Variants in PARD3 observed in about 807,000 individuals in gnomAD.
PARD3 encodes par-3 family cell polarity regulator.
Under a neutral mutation model 155.4 loss-of-function variants are expected in PARD3, and 75 were observed. The ratio of observed to expected loss-of-function variants is 0.48; its 90% confidence interval spans 0.40 to 0.58. The LOEUF is 0.58. Among genes scored for constraint, PARD3 ranks in the 20% least tolerant of loss-of-function variants. The pLI is 0.00. For synonymous variants in PARD3, 576 were observed against 610.5 expected (o/e 0.94, Z 0.83); for missense variants, 1,642 against 1,721.7 (o/e 0.95, Z 0.82).
At chr10:34,529,358 G>A (rs1287517783) in intron 2 of PARD3, among the ~76,000 whole-genome samples, 1 of 152,164 alleles carries the variant, frequency 6.6e-6, no homozygotes, top group African/African-American at 2.4e-5. Flanking sequence ...CAAGGAAACA[G>A]GGTTTCACAA....
At chr10:34,445,091 TC>T (rs2076669456) in intron 5 of PARD3, among the ~76,000 whole-genome samples, 2 of 152,046 alleles carry the variant, frequency 1.3e-5, no homozygotes, top group African/African-American at 4.8e-5. Context: ...AAATATTTTT[TC>T]ATGTACATGA....
chr10:34,212,547 T>A (rs1299428337), intron 22 of PARD3, among the ~76,000 whole-genome samples: 1 of 152,024 alleles, frequency 6.6e-6, no homozygotes, highest in Non-Finnish European at 1.5e-5. Flanking sequence ...GGGAAATAAC[T>A]CCCAATGTGT....
At chr10:34,780,673 C>T (rs1588713607) in intron 1 of PARD3, among the ~76,000 whole-genome samples, 1 of 152,176 alleles carries the variant, frequency 6.6e-6, no homozygotes, top group African/African-American at 2.4e-5. Flanking sequence ...CAACAGTACG[C>T]CCTTTCTTTT....
chr10:34,249,816 C>T (rs1297509806), intron 22 of PARD3, among the ~76,000 whole-genome samples: 1 of 152,198 alleles, frequency 6.6e-6, no homozygotes, highest in Non-Finnish European at 1.5e-5. Flanking sequence ...GAGCCATACT[C>T]CCTAGGTGGC....
At chr10:34,587,673 C>G (rs184724473) in intron 2 of PARD3, among the ~76,000 whole-genome samples, 1,561 of 152,266 alleles carry the variant, frequency 0.01, 35 homozygotes, top group African/African-American at 0.036. Flanking sequence ...AAGATATCTA[C>G]AGTCTCAGGA....
At chr10:34,349,579 G>GT (rs1837789817) in intron 14 of PARD3, among the ~76,000 whole-genome samples, 2 of 11,354 alleles carry the variant, frequency 1.8e-4, no homozygotes, top group Non-Finnish European at 3.0e-4. Context: ...CTCTGGGAAA[G>GT]TAAAAAAAAA....
At chr10:34,193,888 C>A (rs2133282650) in intron 22 of PARD3, among the ~76,000 whole-genome samples, 1 of 152,290 alleles carries the variant, frequency 6.6e-6, no homozygotes, top group East Asian at 1.9e-4. Flanking sequence ...GAATTTTCTA[C>A]TAACATCACA....
intron 15 of PARD3, among the ~76,000 whole-genome samples, chr10:34,346,986 T>A (rs905095702): frequency 3.3e-5 from 5 of 152,234 alleles, no homozygotes; most frequent in African/African-American, 1.2e-4. Flanking sequence ...AGCAACAGTA[T>A]ATACACAATG....
At chr10:34,669,112 T>C (rs1476784624) in intron 2 of PARD3, among the ~76,000 whole-genome samples, 2 of 152,128 alleles carry the variant, frequency 1.3e-5, no homozygotes, top group African/African-American at 4.8e-5. Context: ...CTACTAGGTA[T>C]CTACCCAAAG....
chr10:34,782,787 C>T (rs1054874185), intron 1 of PARD3, among the ~76,000 whole-genome samples: 3 of 150,832 alleles, frequency 2.0e-5, no homozygotes, highest in Admixed American at 6.6e-5. Context: ...AGTGTAGTGG[C>T]GTGATCTTGG....
intron 22 of PARD3, among the ~76,000 whole-genome samples, chr10:34,241,714 G>C (rs533118755): frequency 1.3e-4 from 20 of 152,230 alleles, no homozygotes; most frequent in African/African-American, 4.8e-4. Flanking sequence ...CACCACTTGA[G>C]CCTGTGGGAG....
intron 17 of PARD3, 101 bp downstream of exon 17, chr10:34,337,174 T>C: frequency 2.8e-6 from 2 of 704,304 alleles, no homozygotes; most frequent in Non-Finnish European, 4.2e-6. Flanking sequence ...ATTTATTTTC[T>C]CTATTGCTCA....
intron 22 of PARD3, among the ~76,000 whole-genome samples, chr10:34,158,644 T>C (rs1949128178): frequency 6.6e-6 from 1 of 152,060 alleles, no homozygotes; most frequent in Non-Finnish European, 1.5e-5. Context: ...ATGGCAACTA[T>C]CTCTGTGATG....
chr10:34,463,825 A>C (rs1368042456), intron 4 of PARD3, among the ~76,000 whole-genome samples: 1 of 152,226 alleles, frequency 6.6e-6, no homozygotes, highest in Non-Finnish European at 1.5e-5. Context: ...TTGGATACAC[A>C]AATATCTAAA....
At chr10:34,209,695 T>C (rs1470589664) in intron 22 of PARD3, among the ~76,000 whole-genome samples, 2 of 152,208 alleles carry the variant, frequency 1.3e-5, no homozygotes, top group Non-Finnish European at 2.9e-5. Context: ...ACATATTCTG[T>C]GTACTGTAAT....
intron 1 of PARD3, among the ~76,000 whole-genome samples, chr10:34,711,291 G>A (rs754075657): frequency 5.3e-5 from 8 of 152,124 alleles, no homozygotes; most frequent in South Asian, 2.1e-4. Flanking sequence ...AGGCCAAGAC[G>A]GGTGGATCAC....
At chr10:34,643,540 G>C (rs894658344) in intron 2 of PARD3, among the ~76,000 whole-genome samples, 14 of 152,246 alleles carry the variant, frequency 9.2e-5, no homozygotes, top group African/African-American at 3.4e-4. Flanking sequence ...TTAGTGCTTT[G>C]TTATGTATAA....
intron 2 of PARD3, among the ~76,000 whole-genome samples, chr10:34,622,827 C>T (rs114054804): frequency 0.023 from 2,620 of 112,796 alleles, 51 homozygotes; most frequent in African/African-American, 0.064. Flanking sequence ...TTCTTTTTTT[C>T]TTTTTTTTTT....
intron 3 of PARD3, among the ~76,000 whole-genome samples, chr10:34,485,189 T>G (rs1392464511): frequency 6.6e-6 from 1 of 152,010 alleles, no homozygotes; most frequent in Non-Finnish European, 1.5e-5. Context: ...AATACAAAAA[T>G]TAGCCGGGCG....
Sources: allele counts gnomAD v4.1 joint callset (sites outside exome capture counted in the v4.1 genomes callset), GRCh38; gene constraint gnomAD v4.1.1; transcripts MANE v1.5; gene names NCBI Gene and HGNC (gene_info 2026-07-23, HGNC 2026-07-21).